GCNT1: variants seen among roughly 807,000 people sequenced by gnomAD.
GCNT1 encodes the protein glucosaminyl (N-acetyl) transferase 1.
GCNT1 carries 16 observed loss-of-function variants against 26.2 expected under a neutral mutation model. The ratio of observed to expected loss-of-function variants is 0.61; its 90% CI spans 0.41 to 0.93. The LOEUF (loss-of-function observed/expected upper bound fraction) is 0.93, where lower values mean the gene tolerates loss of function less well. GCNT1 is among the 40% of genes least tolerant of loss of function. The pLI is 0.00. For synonymous variants in GCNT1, 183 were observed against 190.8 expected (o/e 0.96, Z 0.34); for missense variants, 477 against 526.7 (o/e 0.91, Z 0.92).
intron 1 of GCNT1, among the ~76,000 whole-genome samples, chr9:76,451,883 T>C (rs1823668343): frequency 6.6e-6 from 1 of 152,104 alleles, no homozygotes. Context: ...AGGTTATATA[T>C]CTTGTGACTT....
intron 3 of GCNT1, among the ~76,000 whole-genome samples, 188 bp downstream of exon 3, chr9:76,501,249 T>A (rs4531113): frequency 0.09 from 13,688 of 152,200 alleles, 2,013 homozygotes; most frequent in African/African-American, 0.31. Context: ...AAATTGGTAG[T>A]ACTTGACTTT....
intron 2 of GCNT1, among the ~76,000 whole-genome samples, chr9:76,477,842 T>C (rs1824289120): frequency 6.6e-6 from 1 of 152,178 alleles, no homozygotes; most frequent in African/African-American, 2.4e-5. Context: ...CTCTGCGCAT[T>C]TGACTACTCT....
chr9:76,448,959 C>T (rs1823620382), intron 1 of GCNT1, among the ~76,000 whole-genome samples: 2 of 152,120 alleles, frequency 1.3e-5, no homozygotes, highest in Admixed American at 6.5e-5. Flanking sequence ...GCTAAATTTA[C>T]TATTATTTGT....
At chr9:76,394,365 A>G in the GCNT1 span, 6 of 407,276 alleles carry the variant, frequency 1.5e-5, no homozygotes, top group African/African-American at 1.1e-4. Context: ...CCCAACAAAT[A>G]CCGCCGGGCG....
At chr9:76,480,339 C>T (rs1824386647) in intron 2 of GCNT1, among the ~76,000 whole-genome samples, 1 of 152,032 alleles carries the variant, frequency 6.6e-6, no homozygotes, top group South Asian at 2.1e-4. Flanking sequence ...GCAATGCGGG[C>T]TCTTTTTTGG....
rs919057301 is a variant in GCNT1, at chr9:76,506,680, G to A, written c.*3012G>A. 6.0e-6 allele frequency: 1 copy of A among 167,052 alleles called. No homozygotes were observed. Among genetic ancestry groups the A allele is most frequent in the African/African-American group, 2.4e-5 (1 of 41,444 alleles). 10.3% of individuals were successfully genotyped at this position (167,052 alleles called of 1,614,324 possible). ...AAAATTGTTCTTTATTTTACAGGCAGTTACTGAGGCTCTTCCCAGATCTCA... is the reference window on the plus strand; with the variant it reads ...AAAATTGTTCTTTATTTTACAGGCAATTACTGAGGCTCTTCCCAGATCTCA... On this transcript the variant is annotated 3_prime_UTR_variant, in exon 4 of 4. Coordinates refer to ENST00000376730, the MANE Select transcript of GCNT1 (RefSeq NM_001490.5).
Position 76,443,532 on chromosome 9 carries a change from G to A in GCNT1, c.-290+1217G>A, listed in dbSNP as rs149859269. Among the ~76,000 whole-genome samples, 300 of 152,352 alleles carry A rather than the reference G, an allele frequency of 2.0e-3. 1 individual carries two copies. Among genetic ancestry groups the A allele is most frequent in the African/African-American group, 7.0e-3 (291 of 41,582 alleles). ...GTTTGTGGCTTAAGAATGCCTTTAA[G>A]CGGTTTTCCACCCTGGGTGGGCCAG... On this transcript the variant is annotated intron_variant, in intron 1 of 2. Transcript: ENST00000442371.
At chr9:76,462,783 A>G (rs1291674071) in intron 2 of GCNT1, among the ~76,000 whole-genome samples, 2 of 152,180 alleles carry the variant, frequency 1.3e-5, no homozygotes, top group African/African-American at 4.8e-5. Flanking sequence ...TTCTTTGTGA[A>G]TGGCCAATGT....
chr9:76,400,488 G>C, the GCNT1 span, among the ~76,000 whole-genome samples: 49,384 of 151,992 alleles, frequency 0.32, 8,527 homozygotes, highest in Non-Finnish European at 0.38. Flanking sequence ...ATGCCAATCT[G>C]ATCAAATCAC....
chr9:76,429,172 G>A (rs1431747215), intron 1 of GCNT1, among the ~76,000 whole-genome samples: 2 of 152,062 alleles, frequency 1.3e-5, no homozygotes, highest in African/African-American at 2.4e-5. Context: ...TCCATTATAT[G>A]AGTACACTAT....
At chr9:76,496,506 C>T (rs574727530) in intron 2 of GCNT1, among the ~76,000 whole-genome samples, 1 of 152,172 alleles carries the variant, frequency 6.6e-6, no homozygotes, top group Non-Finnish European at 1.5e-5. Flanking sequence ...CTGTCTCCCT[C>T]TCCCTGAGGT....
chr9:76,502,204 T>C (rs1262663719), intron 3 of GCNT1, 35 bp from the exon 4 acceptor site: 1 of 217,980 alleles, frequency 4.6e-6, no homozygotes, highest in African/African-American at 2.3e-5. Context: ...TATATATATA[T>C]TTATTTATAT....
Position 76,505,133 on chromosome 9 carries a change from CAA to C in GCNT1, c.*1466_*1467del, listed in dbSNP as rs774288023. 1.5e-4 allele frequency: 63 copies of C among 409,380 alleles called. No homozygotes were observed. The highest frequency in any genetic ancestry group is 2.4e-4 in the Non-Finnish European group (54 of 224,244). The allele number at this position is 409,380 out of a possible 1,614,324, so 25.4% of individuals were successfully genotyped here. ...TTGTCATTTAGCATTAGACTTTAAA[CAA>C]GAATTAAAATCATGTGCTGTATTTT... On this transcript the variant is annotated 3_prime_UTR_variant, in exon 4 of 4. Coordinates refer to ENST00000376730, the MANE Select transcript of GCNT1 (RefSeq NM_001490.5).
intron 1 of GCNT1, among the ~76,000 whole-genome samples, chr9:76,449,829 G>C (rs367851600): frequency 1.0e-3 from 156 of 152,292 alleles, no homozygotes; most frequent in African/African-American, 3.8e-3. Flanking sequence ...TGTCACCCAG[G>C]CTGGAGTGCA....
At chr9:76,394,958 G>C in the GCNT1 span, among the ~76,000 whole-genome samples, 1 of 152,178 alleles carries the variant, frequency 6.6e-6, no homozygotes, top group African/African-American at 2.4e-5. Flanking sequence ...CACTGACCAC[G>C]TTCTGGAGTT....
the GCNT1 span, among the ~76,000 whole-genome samples, chr9:76,402,584 C>T: frequency 6.6e-6 from 1 of 152,136 alleles, no homozygotes; most frequent in African/African-American, 2.4e-5. Context: ...TGACAATGGA[C>T]CTAAGATCAC....
In GCNT1 at chr9:76,425,371, C is replaced by T. The variant is rs1268945630; in HGVS notation, n.38+5484C>T. On this transcript the variant is annotated intron_variant and non_coding_transcript_variant, in intron 1 of 3. Transcript: ENST00000488136. ...CTGAGTAGCTGGGATTAAAGGTGACCGCCAACACGCCCGTCTAATTTTTGT... is the reference window on the plus strand; with the variant it reads ...CTGAGTAGCTGGGATTAAAGGTGACTGCCAACACGCCCGTCTAATTTTTGT... 5.9e-5 allele frequency among the ~76,000 whole-genome samples: 9 copies of T among 151,680 alleles called. No individual in the cohort carries two copies. The East Asian group carries it at 7.9e-4, about 13-fold the overall frequency.
chr9:76,446,808 C>G (rs1420671554), intron 1 of GCNT1, among the ~76,000 whole-genome samples: 1 of 152,026 alleles, frequency 6.6e-6, no homozygotes, highest in Non-Finnish European at 1.5e-5. Flanking sequence ...ATATATGGGC[C>G]AAGCATAGTG....
At chr9:76,408,324 ATGGG>A in the GCNT1 span, among the ~76,000 whole-genome samples, 1 of 152,134 alleles carries the variant, frequency 6.6e-6, no homozygotes, top group African/African-American at 2.4e-5. Context: ...TTTGTCATGA[ATGGG>A]TATTGGTTTT....
Sources: gnomAD v4.1 joint callset for allele counts (sites outside exome capture counted in the v4.1 genomes callset) on GRCh38, gnomAD v4.1.1 for gene constraint, MANE v1.5 for transcripts, NCBI Gene and HGNC (gene_info 2026-07-23, HGNC 2026-07-21) for gene names.